TASP1: variants seen among roughly 807,000 people sequenced by gnomAD.
TASP1 encodes threonine aspartase 1.
TASP1 carries 16 observed loss-of-function variants against 56.6 expected under a neutral mutation model. The observed-to-expected ratio is 0.28, with a 90% CI of 0.19 to 0.43. The LOEUF is 0.43. Ranked by LOEUF, TASP1 falls within the 20% of genes least tolerant of loss-of-function variation. TASP1 has a pLI of 1.00. For synonymous variants in TASP1, 179 were observed against 184.2 expected, an observed-to-expected ratio of 0.97 and a Z score of 0.23; for missense variants, 393 against 511.6, an observed-to-expected ratio of 0.77 and a Z score of 2.24.
intron 11 of TASP1, among the ~76,000 whole-genome samples, chr20:13,443,543 C>T (rs955564173): frequency 6.6e-6 from 1 of 152,122 alleles, no homozygotes; most frequent in Non-Finnish European, 1.5e-5. Flanking sequence ...AAGTCTGTAA[C>T]TGCTATGGAA....
chr20:13,564,865 G>T (rs898083150), intron 7 of TASP1, among the ~76,000 whole-genome samples: 4 of 151,968 alleles, frequency 2.6e-5, no homozygotes, highest in Admixed American at 2.0e-4. Context: ...AATTAGCCGG[G>T]TGTGGTGGTG....
chr20:13,532,099 G>C (rs1317960424), intron 9 of TASP1, among the ~76,000 whole-genome samples: 1 of 152,012 alleles, frequency 6.6e-6, no homozygotes, highest in East Asian at 1.9e-4. Context: ...CTTCTCTATG[G>C]GGTTTTACCA....
the TASP1 span, among the ~76,000 whole-genome samples, chr20:13,371,897 C>A: frequency 4.0e-5 from 6 of 151,712 alleles, no homozygotes; most frequent in Admixed American, 3.9e-4. Flanking sequence ...CATTGTATGC[C>A]CTTTTTATCT....
intron 8 of TASP1, among the ~76,000 whole-genome samples, chr20:13,551,300 G>A (rs986940343): frequency 6.6e-6 from 1 of 152,140 alleles, no homozygotes; most frequent in Non-Finnish European, 1.5e-5. Flanking sequence ...ACTATCCCAT[G>A]TAAGTACTGC....
At chr20:13,400,011 A>G (rs746412763) in intron 13 of TASP1, among the ~76,000 whole-genome samples, 6 of 152,152 alleles carry the variant, frequency 3.9e-5, no homozygotes, top group Non-Finnish European at 7.4e-5. Context: ...ACACCTTTGA[A>G]GTGAAACCTA....
chr20:13,187,856 G>A, the TASP1 span, among the ~76,000 whole-genome samples: 3 of 150,920 alleles, frequency 2.0e-5, no homozygotes, highest in Admixed American at 2.0e-4. Context: ...AACCATAAAA[G>A]CAAAAAGAGA....
chr20:13,149,758 G>A, the TASP1 span, among the ~76,000 whole-genome samples: 4 of 152,326 alleles, frequency 2.6e-5, no homozygotes, highest in East Asian at 5.8e-4. Context: ...CTGGAAGCAG[G>A]GAAATGGTGA....
At chr20:13,194,046 T>G in the TASP1 span, among the ~76,000 whole-genome samples, 1 of 152,206 alleles carries the variant, frequency 6.6e-6, no homozygotes, top group African/African-American at 2.4e-5. Flanking sequence ...TTCCTTTTAG[T>G]GGCTACCGTT....
At chr20:13,277,505 G>C in the TASP1 span, among the ~76,000 whole-genome samples, 4 of 152,162 alleles carry the variant, frequency 2.6e-5, no homozygotes, top group Admixed American at 6.5e-5. Context: ...CTACCCAGCT[G>C]TGTGCTCCTT....
At chr20:13,332,531 T>C in the TASP1 span, among the ~76,000 whole-genome samples, 1 of 152,204 alleles carries the variant, frequency 6.6e-6, no homozygotes, top group Non-Finnish European at 1.5e-5. Context: ...AAAATTTGGA[T>C]CTATAGCTCA....
chr20:13,254,565 A>C, the TASP1 span, among the ~76,000 whole-genome samples: 1 of 152,132 alleles, frequency 6.6e-6, no homozygotes, highest in Admixed American at 6.5e-5. Flanking sequence ...CTGGGTGCTC[A>C]GTGGTGACTT....
the TASP1 span, among the ~76,000 whole-genome samples, chr20:13,150,364 A>G: frequency 6.6e-6 from 1 of 152,078 alleles, no homozygotes; most frequent in Admixed American, 6.6e-5. Flanking sequence ...GTGTCTAAGC[A>G]TATATATATA....
the TASP1 span, among the ~76,000 whole-genome samples, chr20:13,266,224 T>C: frequency 6.6e-6 from 1 of 152,144 alleles, no homozygotes; most frequent in South Asian, 2.1e-4. Context: ...GACTAGACAT[T>C]GGGCAGGCAA....
intron 11 of TASP1, among the ~76,000 whole-genome samples, chr20:13,440,394 T>G (rs1337410082): frequency 2.0e-5 from 3 of 152,046 alleles, no homozygotes; most frequent in African/African-American, 7.2e-5. Flanking sequence ...GACACAGCTA[T>G]GCATCAAGCT....
chr20:13,312,837 T>C, the TASP1 span, among the ~76,000 whole-genome samples: 1 of 152,146 alleles, frequency 6.6e-6, no homozygotes, highest in Non-Finnish European at 1.5e-5. Flanking sequence ...AGTAGATCCG[T>C]ATTTAAACCT....
chr20:13,124,815 C>T, the TASP1 span, among the ~76,000 whole-genome samples: 9 of 152,098 alleles, frequency 5.9e-5, no homozygotes, highest in African/African-American at 4.8e-5. Context: ...GGGACCAGGC[C>T]CAGGCTCGGA....
chr20:13,163,367 CAAAAAAAA>C, the TASP1 span, among the ~76,000 whole-genome samples: 1 of 90,086 alleles, frequency 1.1e-5, no homozygotes, highest in Non-Finnish European at 2.2e-5. Flanking sequence ...GACGCTGTCT[CAAAAAAAA>C]AAAAAAAAAA....
chr20:13,579,225 T>G (rs1337205470), intron 6 of TASP1, among the ~76,000 whole-genome samples: 1 of 152,202 alleles, frequency 6.6e-6, no homozygotes, highest in East Asian at 1.9e-4. Context: ...CTCTTTGCAC[T>G]TATTACTCCC....
chr20:13,467,186 T>TACACACACACACACAC (rs3042647), intron 11 of TASP1, among the ~76,000 whole-genome samples: 1 of 146,784 alleles, frequency 6.8e-6, no homozygotes, highest in East Asian at 2.0e-4. Context: ...ACACATACAA[T>TACACACACACACACAC]ACACACACAC....
Sources: gnomAD v4.1 joint callset for allele counts (sites outside exome capture counted in the v4.1 genomes callset) on GRCh38, gnomAD v4.1.1 for gene constraint, MANE v1.5 for transcripts, NCBI Gene and HGNC (gene_info 2026-07-23, HGNC 2026-07-21) for gene names.